PCDHA13: variants seen among roughly 807,000 people sequenced by gnomAD.
PCDHA13 encodes the protein protocadherin alpha 13, also known as protocadherin alpha-13.
PCDHA13 carries 54 observed loss-of-function variants against 64.8 expected under a neutral mutation model. That is an observed-to-expected ratio of 0.83 (90% confidence interval 0.67 to 1.04). The LOEUF (loss-of-function observed/expected upper bound fraction) is 1.04, where lower values mean the gene tolerates loss of function less well. Among genes scored for constraint, PCDHA13 ranks in the 50% least tolerant of loss-of-function variants. The probability of loss-of-function intolerance (pLI) is 0.00; values close to 1 mark genes in which losing one functional copy is unlikely to be tolerated. For missense variants in PCDHA13, 1,248 were observed against 1,254.3 expected, an observed-to-expected ratio of 0.99 and a Z score of 0.08; for synonymous variants, 587 against 564.4, an observed-to-expected ratio of 1.04 and a Z score of -0.57.
intron 1 of PCDHA13, among the ~76,000 whole-genome samples, chr5:140,921,048 T>C (rs1554200052): frequency 6.6e-6 from 1 of 152,052 alleles, no homozygotes; most frequent in African/African-American, 2.4e-5. Context: ...GGGGCAATCA[T>C]AGCTCACTCT....
In PCDHA13 at chr5:140,985,961, A is replaced by G. The variant is rs529433053; in HGVS notation, c.2542+3398A>G. ...TCACTGTGTTAGCCAGGATGGTCTCAATCTCCTGACCTCGTGATCCGCCCA... is the reference window on the plus strand; with the variant it reads ...TCACTGTGTTAGCCAGGATGGTCTCGATCTCCTGACCTCGTGATCCGCCCA... On this transcript the variant is annotated intron_variant, in intron 3 of 3. Transcript: ENST00000289272. 9.3e-3 allele frequency among the ~76,000 whole-genome samples: 1,411 copies of G among 151,982 alleles called. 12 individuals carry two copies. Among genetic ancestry groups the G allele is most frequent in the Non-Finnish European group, 0.015 (1,024 of 67,944 alleles).
chr5:140,936,820 T>C (rs2091164037), intron 1 of PCDHA13, among the ~76,000 whole-genome samples: 1 of 152,236 alleles, frequency 6.6e-6, no homozygotes, highest in Non-Finnish European at 1.5e-5. Flanking sequence ...TTTTTGGCCC[T>C]TTGCATTTCT....
At chr5:140,958,998 C>T (rs868985322) in intron 1 of PCDHA13, among the ~76,000 whole-genome samples, 5 of 151,906 alleles carry the variant, frequency 3.3e-5, no homozygotes, top group South Asian at 2.1e-4. Flanking sequence ...TAATCTTTTA[C>T]TGTACCTAAT....
At chr5:140,913,317 TTGTA>T (rs1269286947) in intron 1 of PCDHA13, among the ~76,000 whole-genome samples, 2 of 152,152 alleles carry the variant, frequency 1.3e-5, no homozygotes, top group African/African-American at 4.8e-5. Flanking sequence ...CCTTGGTAAG[TTGTA>T]TGTGTCTAGG....
At chr5:140,984,788 T>C (rs2097121100) in intron 3 of PCDHA13, among the ~76,000 whole-genome samples, 1 of 152,292 alleles carries the variant, frequency 6.6e-6, no homozygotes, top group Non-Finnish European at 1.5e-5. Context: ...TGGGTGAGCA[T>C]AGACAAACTG....
chr5:140,972,359 A>T (rs1466504264), intron 1 of PCDHA13, among the ~76,000 whole-genome samples: 3 of 151,418 alleles, frequency 2.0e-5, no homozygotes, highest in Non-Finnish European at 4.4e-5. Flanking sequence ...TATGTTGCAC[A>T]TGCTGTTAGT....
chr5:140,887,246 G>A (rs1346055055), intron 1 of PCDHA13, among the ~76,000 whole-genome samples: 2 of 151,778 alleles, frequency 1.3e-5, no homozygotes, highest in Non-Finnish European at 2.9e-5. Flanking sequence ...ACCGGCGCCC[G>A]CCACCACGCC....
chr5:140,909,255 C>G (rs1583695279), intron 1 of PCDHA13, among the ~76,000 whole-genome samples: 1 of 152,210 alleles, frequency 6.6e-6, no homozygotes, highest in African/African-American at 2.4e-5. Context: ...GCTGGCCTTG[C>G]TGACTGAAGG....
intron 1 of PCDHA13, among the ~76,000 whole-genome samples, chr5:140,908,393 A>G (rs1295544122): frequency 2.0e-5 from 3 of 152,132 alleles, no homozygotes; most frequent in Non-Finnish European, 4.4e-5. Context: ...CCGATCACAT[A>G]TATACCACTT....
chr5:140,887,454 T>A (rs1234442880), intron 1 of PCDHA13, among the ~76,000 whole-genome samples: 5 of 152,178 alleles, frequency 3.3e-5, no homozygotes, highest in Non-Finnish European at 7.3e-5. Context: ...GACAGTTTTT[T>A]AAAAGATATA....
intron 1 of PCDHA13, among the ~76,000 whole-genome samples, chr5:140,886,844 AAAAG>A (rs1232979230): frequency 6.0e-5 from 9 of 150,634 alleles, no homozygotes; most frequent in Non-Finnish European, 8.9e-5. Flanking sequence ...AAAAAAAAAA[AAAAG>A]AAAGGTCTTC....
chr5:140,946,199 A>G (rs1300104764), intron 1 of PCDHA13, among the ~76,000 whole-genome samples: 10 of 151,964 alleles, frequency 6.6e-5, no homozygotes, highest in Admixed American at 5.2e-4. Context: ...CTCAAAAGAA[A>G]GCACACAAAT....
chr5:140,986,114 T>A (rs1465954606), intron 3 of PCDHA13, among the ~76,000 whole-genome samples: 1 of 152,168 alleles, frequency 6.6e-6, no homozygotes, highest in Non-Finnish European at 1.5e-5. Flanking sequence ...AAGATAAAGA[T>A]GCCACACTCT....
intron 1 of PCDHA13, among the ~76,000 whole-genome samples, chr5:140,970,662 C>T (rs575204326): frequency 6.6e-6 from 1 of 152,268 alleles, no homozygotes; most frequent in South Asian, 2.1e-4. Flanking sequence ...TGTTATCTTT[C>T]CAAATAACTA....
At chr5:140,921,473 C>T (rs2080232887) in intron 1 of PCDHA13, among the ~76,000 whole-genome samples, 1 of 152,186 alleles carries the variant, frequency 6.6e-6, no homozygotes, top group African/African-American at 2.4e-5. Flanking sequence ...CACTACCAAA[C>T]CACTCTACCT....
chr5:140,888,322 C>T (rs983342995), intron 1 of PCDHA13, among the ~76,000 whole-genome samples: 23 of 152,148 alleles, frequency 1.5e-4, no homozygotes, highest in African/African-American at 5.6e-4. Context: ...TGCCTGGATA[C>T]ATTTTTGGTT....
intron 1 of PCDHA13, among the ~76,000 whole-genome samples, chr5:140,970,314 A>G (rs141905108): frequency 0.01 from 1,597 of 152,320 alleles, 13 homozygotes; most frequent in Middle Eastern, 0.014. Flanking sequence ...AAGTTAAATG[A>G]CAGTACTTCC....
chr5:141,011,084 C>A lies in PCDHA13; in HGVS notation c.*1147C>A, dbSNP rs928216799. Reference sequence around the variant, plus strand: ...CATGTATTACTAAATAAAATGATCTCTCTTTCTCTCTCTCTCTCTCTTTTC... The same window carrying A: ...CATGTATTACTAAATAAAATGATCTATCTTTCTCTCTCTCTCTCTCTTTTC... On this transcript the variant is annotated 3_prime_UTR_variant, in exon 4 of 4. Transcript: ENST00000289272. 1.3e-5 allele frequency: 2 copies of A among 153,722 alleles called. No individual in the cohort carries two copies. The highest frequency in any genetic ancestry group is 2.9e-5 in the Non-Finnish European group (2 of 68,048). The allele number at this position is 153,722 out of a possible 1,614,324, so 9.5% of individuals were successfully genotyped here.
At chr5:140,899,400 AG>A (rs1331352997) in intron 1 of PCDHA13, among the ~76,000 whole-genome samples, 2 of 152,132 alleles carry the variant, frequency 1.3e-5, no homozygotes, top group Non-Finnish European at 2.9e-5. Context: ...TTTAGCATGA[AG>A]GGTTGTTGAA....
Sources: gnomAD v4.1 joint callset for allele counts (sites outside exome capture counted in the v4.1 genomes callset) on GRCh38, gnomAD v4.1.1 for gene constraint, MANE v1.5 for transcripts, NCBI Gene and HGNC (gene_info 2026-07-23, HGNC 2026-07-21) for gene names.